Variants in SUPT3H observed in about 807,000 individuals in gnomAD.
The protein encoded by SUPT3H is SPT3 homolog, SAGA and STAGA complex component, also known as transcription initiation protein SPT3 homolog.
Under a neutral mutation model 44.3 loss-of-function variants are expected in SUPT3H, and 44 were observed. That is an observed-to-expected ratio of 0.99 (90% CI 0.78 to 1.28). The LOEUF (loss-of-function observed/expected upper bound fraction) is 1.28. SUPT3H is among the 50% of genes most tolerant of loss of function. The pLI is 0.00. For synonymous variants in SUPT3H, 124 were observed against 125.6 expected (o/e 0.99, Z 0.09); for missense variants, 380 against 387.1 (o/e 0.98, Z 0.15).
At chr6:45,192,564 T>A (rs1053881860) in intron 2 of SUPT3H, among the ~76,000 whole-genome samples, 1 of 152,200 alleles carries the variant, frequency 6.6e-6, no homozygotes, top group Non-Finnish European at 1.5e-5. Flanking sequence ...TTGGTGTTTC[T>A]CTTTAAATTG....
intron 3 of SUPT3H, among the ~76,000 whole-genome samples, chr6:45,088,920 G>A (rs1451274424): frequency 1.3e-5 from 2 of 151,946 alleles, no homozygotes; most frequent in African/African-American, 2.4e-5. Flanking sequence ...ATAAGTAGTT[G>A]AAGCTAAAAC....
chr6:45,031,176 T>C (rs1355523332), intron 3 of SUPT3H, among the ~76,000 whole-genome samples: 1 of 152,198 alleles, frequency 6.6e-6, no homozygotes, highest in Non-Finnish European at 1.5e-5. Context: ...ATAAATTAAA[T>C]TGTGAAGAAC....
intron 2 of SUPT3H, chr6:45,159,582 A>T (rs1460399246): frequency 6.6e-6 from 1 of 152,164 alleles, no homozygotes; most frequent in Non-Finnish European, 1.5e-5. Flanking sequence ...CTCACAATTC[A>T]TCTACATAGT....
At chr6:44,884,532 G>A (rs931541630) in intron 10 of SUPT3H, among the ~76,000 whole-genome samples, 1 of 152,142 alleles carries the variant, frequency 6.6e-6, no homozygotes, top group Non-Finnish European at 1.5e-5. Flanking sequence ...AAAAACACAT[G>A]CACACATATG....
chr6:44,867,118 G>T (rs1775628581), intron 10 of SUPT3H, among the ~76,000 whole-genome samples: 2 of 151,370 alleles, frequency 1.3e-5, no homozygotes, highest in Admixed American at 1.3e-4. Context: ...AATCTTTAAA[G>T]AACTTTTTAG....
In SUPT3H at chr6:45,172,221, C is replaced by T. The variant is rs560977930; in HGVS notation, c.102-66215G>A. On this transcript the variant is annotated intron_variant, in intron 2 of 10. Coordinates refer to ENST00000371459, the MANE Select transcript of SUPT3H (RefSeq NM_003599.4). ...CAGAGTAGCTGGGACTATAGGCTCA[C>T]GCTACCACGCCCAGCTAATTTTTGT... is the stretch of plus-strand genomic sequence containing the variant. Among the ~76,000 whole-genome samples, 25 of 151,804 alleles carry T rather than the reference C, an allele frequency of 1.6e-4. No individual in the cohort carries two copies. In the South Asian group the frequency reaches 3.8e-3, roughly 23 times the overall value.
chr6:44,905,827 C>T (rs7742359), intron 10 of SUPT3H, among the ~76,000 whole-genome samples: 12 of 152,236 alleles, frequency 7.9e-5, no homozygotes, highest in Middle Eastern at 3.4e-3. Context: ...ATATACACCA[C>T]GGAATACTAT....
At chr6:44,896,109 G>A (rs1041084952) in intron 10 of SUPT3H, among the ~76,000 whole-genome samples, 1 of 151,974 alleles carries the variant, frequency 6.6e-6, no homozygotes, top group Non-Finnish European at 1.5e-5. Flanking sequence ...TGTGATTAGG[G>A]GTCCAGCTGT....
At chr6:45,191,959 G>A (rs1309168973) in intron 2 of SUPT3H, among the ~76,000 whole-genome samples, 1 of 151,952 alleles carries the variant, frequency 6.6e-6, no homozygotes, top group Non-Finnish European at 1.5e-5. Flanking sequence ...CCCAATACAA[G>A]TCTTCAACAT....
chr6:45,244,149 T>A (rs1562779788), intron 2 of SUPT3H, among the ~76,000 whole-genome samples: 1 of 152,188 alleles, frequency 6.6e-6, no homozygotes, highest in Non-Finnish European at 1.5e-5. Context: ...AGTGCTGGGA[T>A]TACAGGCATG....
chr6:45,218,877 A>G (rs1486672317), intron 2 of SUPT3H, among the ~76,000 whole-genome samples: 1 of 152,248 alleles, frequency 6.6e-6, no homozygotes, highest in African/African-American at 2.4e-5. Context: ...GTCCTGAGCC[A>G]TGAAACAAAT....
Position 45,314,450 on chromosome 6 carries a change from G to C in SUPT3H, c.101+50751C>G, listed in dbSNP as rs113987260. On this transcript the variant is annotated intron_variant, in intron 2 of 10. Transcript: ENST00000371459. ...GATAAAAGAATTCAGTAAAGTTTCC[G>C]GATACAAGATTAAAGTACACAAATC... Among the ~76,000 whole-genome samples, 835 of 152,166 alleles carry C rather than the reference G, an allele frequency of 5.5e-3. 12 individuals carry two copies. Among genetic ancestry groups the C allele is most frequent in the African/African-American group, 0.019 (802 of 41,526 alleles).
At chr6:45,100,541 T>TAAAAAAAAAA (rs58120512) in intron 3 of SUPT3H, among the ~76,000 whole-genome samples, 1,073 of 33,358 alleles carry the variant, frequency 0.032, 141 homozygotes, top group African/African-American at 0.072. Context: ...ACCCTGTACT[T>TAAAAAAAAAA]AAAAAAAAAA....
At chr6:45,192,075 G>C (rs1815233962) in intron 2 of SUPT3H, among the ~76,000 whole-genome samples, 1 of 152,098 alleles carries the variant, frequency 6.6e-6, no homozygotes, top group African/African-American at 2.4e-5. Context: ...CTCTGCCACA[G>C]AAATAAGTTT....
chr6:45,151,434 G>C (rs1365782804), intron 2 of SUPT3H, among the ~76,000 whole-genome samples: 1 of 152,078 alleles, frequency 6.6e-6, no homozygotes, highest in African/African-American at 2.4e-5. Context: ...AAGTATTTCA[G>C]ATTATCTGTA....
chr6:45,352,938 T>C (rs1419567737), intron 2 of SUPT3H, among the ~76,000 whole-genome samples: 1 of 152,104 alleles, frequency 6.6e-6, no homozygotes, highest in Non-Finnish European at 1.5e-5. Context: ...CTGCATGATT[T>C]AAAATTGAGG....
intron 10 of SUPT3H, among the ~76,000 whole-genome samples, chr6:44,849,105 A>C (rs1164335342): frequency 6.6e-6 from 1 of 152,212 alleles, no homozygotes; most frequent in Non-Finnish European, 1.5e-5. Context: ...CCTAGAATAT[A>C]ACATATGGCC....
At position 45,106,116 on chromosome 6, in the gene SUPT3H, T is replaced by C. The variant is rs1583568737; in HGVS notation, c.102-110A>G. 1.3e-5 allele frequency: 12 copies of C among 920,384 alleles called. No homozygotes were observed. In the East Asian group the frequency reaches 2.9e-4, roughly 22 times the overall value. 57.0% of individuals were successfully genotyped at this position (920,384 alleles called of 1,614,324 possible). ...TTTAGTAAGGAGAACATAAATTGTT[T>C]GCCCAAATGTCTGAATGGGTGTGCA... On this transcript the variant is annotated intron_variant, in intron 2 of 10. Coordinates refer to ENST00000371459, the MANE Select transcript of SUPT3H (RefSeq NM_003599.4).
chr6:44,849,111 T>C (rs1772400749), intron 10 of SUPT3H, among the ~76,000 whole-genome samples: 1 of 152,158 alleles, frequency 6.6e-6, no homozygotes, highest in African/African-American at 2.4e-5. Flanking sequence ...ATATAACATA[T>C]GGCCAACAAA....
Sources: gnomAD v4.1 joint callset for allele counts (sites outside exome capture counted in the v4.1 genomes callset) on GRCh38, gnomAD v4.1.1 for gene constraint, MANE v1.5 for transcripts, NCBI Gene and HGNC (gene_info 2026-07-23, HGNC 2026-07-21) for gene names.